MACROD2: variants seen among roughly 807,000 people sequenced by gnomAD.
MACROD2 encodes mono-ADP ribosylhydrolase 2.
Under a neutral mutation model 70.4 loss-of-function variants are expected in MACROD2, and 36 were observed. That is an observed-to-expected ratio of 0.51 (90% CI 0.39 to 0.68). The LOEUF is 0.68. Ranked by LOEUF, MACROD2 falls within the 30% of genes least tolerant of loss-of-function variation. MACROD2 has a pLI of 0.00. For synonymous variants in MACROD2, 172 were observed against 178.8 expected (o/e 0.96, Z 0.30); for missense variants, 496 against 538.4 (o/e 0.92, Z 0.78).
rs2047343204 is a variant in MACROD2, at chr20:15,499,843, A to G, written c.641A>G (p.His214Arg). Reference protein sequence around the residue: ...TIKEWLAKNHHEVDRIIFCVF... With the variant: ...TIKEWLAKNHREVDRIIFCVF... ...AAGGAATGGCTTGCCAAGAATCACC[A>G]TGAGGTAGGAGGAACGACATAATCA... is the stretch of plus-strand genomic sequence containing the variant. The change falls in exon 8 of 18, where the codon CAT becomes CGT. Residue 214 changes from histidine (H) to arginine (R), a missense_variant. Transcript: ENST00000684519. 1 of 1,613,430 alleles carries G rather than the reference A, an allele frequency of 6.2e-7. No individual in the cohort carries two copies. Among genetic ancestry groups the G allele is most frequent in the African/African-American group, 1.3e-5 (1 of 75,008 alleles).
At chr20:14,698,920 A>G (rs951423135) in intron 5 of MACROD2, among the ~76,000 whole-genome samples, 4 of 151,992 alleles carry the variant, frequency 2.6e-5, no homozygotes, top group Admixed American at 6.6e-5. Context: ...AACTTGGCTA[A>G]TAGATACAAA....
At chr20:15,007,138 G>T (rs1195574948) in intron 5 of MACROD2, among the ~76,000 whole-genome samples, 1 of 152,112 alleles carries the variant, frequency 6.6e-6, no homozygotes, top group Non-Finnish European at 1.5e-5. Flanking sequence ...GCTGAGGCAG[G>T]CGGATCACAA....
chr20:14,776,574 G>A (rs2072236805), intron 5 of MACROD2, among the ~76,000 whole-genome samples: 1 of 152,046 alleles, frequency 6.6e-6, no homozygotes, highest in Admixed American at 6.5e-5. Flanking sequence ...TGTCGCTCAA[G>A]TCTGTGATCT....
chr20:14,505,840 A>T (rs1377599123), intron 4 of MACROD2, among the ~76,000 whole-genome samples: 2 of 152,188 alleles, frequency 1.3e-5, no homozygotes, highest in Non-Finnish European at 2.9e-5. Flanking sequence ...CCTCTCTCCA[A>T]AAAAAGCAGC....
chr20:14,138,697 T>C (rs984952056), intron 3 of MACROD2, among the ~76,000 whole-genome samples: 3 of 151,936 alleles, frequency 2.0e-5, no homozygotes, highest in African/African-American at 7.3e-5. Context: ...ACCTAATGTA[T>C]TGTATGGTGA....
At chr20:15,351,787 C>T (rs1453953970) in intron 6 of MACROD2, among the ~76,000 whole-genome samples, 2 of 152,148 alleles carry the variant, frequency 1.3e-5, no homozygotes, top group Non-Finnish European at 2.9e-5. Context: ...CAAATGAAAA[C>T]CAAGGTTCTT....
At chr20:14,328,727 C>T (rs751863049) in intron 3 of MACROD2, among the ~76,000 whole-genome samples, 64 of 152,166 alleles carry the variant, frequency 4.2e-4, no homozygotes, top group Admixed American at 7.2e-4. Flanking sequence ...ATGGCGTACA[C>T]ACCTCCAGAT....
At chr20:15,433,479 A>AAT (rs2046389363) in intron 7 of MACROD2, among the ~76,000 whole-genome samples, 1 of 150,086 alleles carries the variant, frequency 6.7e-6, no homozygotes, top group Non-Finnish European at 1.5e-5. Flanking sequence ...AAAAAAAAAA[A>AAT]GATAAAATAT....
chr20:15,714,299 T>G (rs1205406448), intron 8 of MACROD2, among the ~76,000 whole-genome samples: 1 of 152,234 alleles, frequency 6.6e-6, no homozygotes, highest in African/African-American at 2.4e-5. Context: ...TGGGATTCTT[T>G]GCTCCACTAA....
chr20:14,679,864 C>T (rs1296191808), intron 4 of MACROD2, among the ~76,000 whole-genome samples: 2 of 151,966 alleles, frequency 1.3e-5, no homozygotes, highest in African/African-American at 4.8e-5. Flanking sequence ...ACCTTCATAC[C>T]AATAGTAACT....
At chr20:15,820,892 A>G (rs966644133) in intron 8 of MACROD2, among the ~76,000 whole-genome samples, 1 of 152,186 alleles carries the variant, frequency 6.6e-6, no homozygotes, top group African/African-American at 2.4e-5. Flanking sequence ...CAGAGCCCCA[A>G]GTCGCCTGAA....
chr20:14,836,935 A>G (rs2073036135), intron 5 of MACROD2, among the ~76,000 whole-genome samples: 1 of 152,082 alleles, frequency 6.6e-6, no homozygotes, highest in Admixed American at 6.6e-5. Flanking sequence ...TAATGAAGGT[A>G]GTTTGTATAG....
At chr20:14,323,021 CAAT>C (rs534380540) in intron 3 of MACROD2, 6 of 152,148 alleles carry the variant, frequency 3.9e-5, no homozygotes, top group Admixed American at 3.9e-4. Flanking sequence ...TCTCATTCAA[CAAT>C]AATCAACATA....
intron 3 of MACROD2, among the ~76,000 whole-genome samples, chr20:14,144,581 C>T (rs6042548): frequency 0.041 from 6,258 of 152,238 alleles, 176 homozygotes; most frequent in African/African-American, 0.08. Flanking sequence ...TCTGTTCTTA[C>T]AGCACTTATG....
chr20:15,527,244 A>G (rs1265126766), intron 8 of MACROD2, among the ~76,000 whole-genome samples: 2 of 152,120 alleles, frequency 1.3e-5, no homozygotes, highest in Non-Finnish European at 2.9e-5. Context: ...TTTTGAGTAA[A>G]GGTTTTATTC....
At chr20:15,145,376 G>T (rs780444302) in intron 5 of MACROD2, among the ~76,000 whole-genome samples, 2 of 150,252 alleles carry the variant, frequency 1.3e-5, no homozygotes, top group East Asian at 1.9e-4. Flanking sequence ...ATTTTTTTTT[G>T]AAAAAGGCAT....
intron 3 of MACROD2, among the ~76,000 whole-genome samples, chr20:14,242,132 A>G (rs981704967): frequency 5.9e-5 from 9 of 152,326 alleles, no homozygotes; most frequent in African/African-American, 2.2e-4. Flanking sequence ...GGTTATTCAA[A>G]ATAACATGTA....
rs1366947776 is a variant in MACROD2, at chr20:14,741,096, G to A, written c.418+56137G>A. On this transcript the variant is annotated intron_variant, in intron 5 of 17. Coordinates refer to ENST00000684519, the MANE Select transcript of MACROD2 (RefSeq NM_001351661.2). ...ACACAAAATGGACAGTGTTCATTTCGGTCATTTATATATTGTCATCATTAA... is the reference window on the plus strand; with the variant it reads ...ACACAAAATGGACAGTGTTCATTTCAGTCATTTATATATTGTCATCATTAA... 3.3e-5 allele frequency among the ~76,000 whole-genome samples: 5 copies of A among 152,002 alleles called. No homozygotes were observed. The East Asian group carries it at 5.8e-4, about 18-fold the overall frequency.
intron 5 of MACROD2, among the ~76,000 whole-genome samples, chr20:14,921,489 G>A (rs751602816): frequency 1.6e-4 from 25 of 152,134 alleles, no homozygotes; most frequent in Non-Finnish European, 3.2e-4. Context: ...AAGCATAATT[G>A]TCATGTATAT....
Sources: allele counts gnomAD v4.1 joint callset (sites outside exome capture counted in the v4.1 genomes callset), GRCh38; gene constraint gnomAD v4.1.1; transcripts MANE v1.5; gene names NCBI Gene and HGNC (gene_info 2026-07-23, HGNC 2026-07-21).